CEP128: variants seen among roughly 807,000 people sequenced by gnomAD.
CEP128 encodes centrosomal protein 128, also known as centrosomal protein 128kDa.
CEP128 carries 132 observed loss-of-function variants against 156.7 expected under a neutral mutation model. The ratio of observed to expected loss-of-function variants is 0.84; its 90% CI spans 0.73 to 0.97. CEP128 has a LOEUF of 0.97. CEP128 is among the 50% of genes least tolerant of loss of function. The probability of loss-of-function intolerance (pLI) is 0.00; values close to 1 mark genes in which losing one functional copy is unlikely to be tolerated. For synonymous variants in CEP128, 469 were observed against 448.9 expected (o/e 1.04, Z -0.57); for missense variants, 1,252 against 1,281.9 (o/e 0.98, Z 0.36).
chr14:80,596,789 TCTAGTCTG>T (rs1892338694), intron 19 of CEP128, among the ~76,000 whole-genome samples: 2 of 109,424 alleles, frequency 1.8e-5, no homozygotes, highest in Admixed American at 1.5e-4. Flanking sequence ...GCCATTGCAC[TCTAGTCTG>T]AGTAACAGTG....
intron 20 of CEP128, among the ~76,000 whole-genome samples, chr14:80,576,655 C>G (rs74064281): frequency 0.061 from 2,461 of 40,328 alleles, 60 homozygotes; most frequent in African/African-American, 0.14. Context: ...GTGTGTGTGT[C>G]TGTGTCTGTG....
chr14:80,826,676 C>T (rs180747770), intron 13 of CEP128, among the ~76,000 whole-genome samples: 1 of 152,198 alleles, frequency 6.6e-6, no homozygotes, highest in East Asian at 1.9e-4. Flanking sequence ...CCATTATAGT[C>T]CCAAGTTTCT....
chr14:80,916,825 T>G (rs745720940), intron 2 of CEP128, among the ~76,000 whole-genome samples: 11 of 152,234 alleles, frequency 7.2e-5, no homozygotes, highest in Non-Finnish European at 1.0e-4. Context: ...AATAATCCCT[T>G]AGATTCATGC....
intron 19 of CEP128, among the ~76,000 whole-genome samples, chr14:80,657,921 C>T (rs956467230): frequency 6.6e-6 from 1 of 152,100 alleles, no homozygotes; most frequent in African/African-American, 2.4e-5. Context: ...CCTTTAAAAA[C>T]CTTTTTTGAA....
chr14:80,802,810 C>G lies in CEP128; in HGVS notation c.1210-9700G>C, dbSNP rs189106098. Among the ~76,000 whole-genome samples, 300 of 152,240 alleles carry G rather than the reference C, an allele frequency of 2.0e-3. 1 individual carries two copies. The highest frequency in any genetic ancestry group is 3.5e-3 in the Non-Finnish European group (235 of 67,994). ...TTGAGAAAGATTAATCACCAAAAGA[C>G]TTTATGCTAACACTAGGATATTAAA... On this transcript the variant is annotated intron_variant, in intron 13 of 24. Transcript: ENST00000555265.
intron 9 of CEP128, among the ~76,000 whole-genome samples, chr14:80,841,462 T>G (rs1282824360): frequency 6.6e-6 from 1 of 152,028 alleles, no homozygotes. Flanking sequence ...AAATAGAAAT[T>G]GAGTAAAGAG....
downstream of CEP128, among the ~76,000 whole-genome samples, chr14:80,486,097 T>C (rs889123516): frequency 2.0e-5 from 3 of 152,198 alleles, no homozygotes; most frequent in Non-Finnish European, 4.4e-5. Flanking sequence ...GCAAAGCTTC[T>C]AAATGGGACC....
intron 19 of CEP128, among the ~76,000 whole-genome samples, chr14:80,583,635 T>C (rs913811131): frequency 1.3e-5 from 2 of 152,234 alleles, no homozygotes; most frequent in African/African-American, 4.8e-5. Flanking sequence ...AAGAAACTTA[T>C]TAAGCAATGA....
intron 21 of CEP128, among the ~76,000 whole-genome samples, chr14:80,532,012 T>G (rs986221983): frequency 1.7e-4 from 26 of 152,106 alleles, no homozygotes; most frequent in Non-Finnish European, 5.9e-5. Context: ...TTCACGTGAG[T>G]CACACAATAA....
intron 2 of CEP128, among the ~76,000 whole-genome samples, chr14:80,938,638 G>A (rs993402983): frequency 1.3e-5 from 2 of 151,912 alleles, no homozygotes; most frequent in African/African-American, 2.4e-5. Context: ...TCCAAAAAAA[G>A]GTCCAGAATT....
chr14:80,505,260 A>C (rs1887920713), intron 23 of CEP128, among the ~76,000 whole-genome samples: 1 of 152,232 alleles, frequency 6.6e-6, no homozygotes, highest in Non-Finnish European at 1.5e-5. Flanking sequence ...TTTTTCCCCC[A>C]TGAATAGAAT....
chr14:80,720,826 C>T (rs1233508354), intron 19 of CEP128, among the ~76,000 whole-genome samples: 1 of 152,170 alleles, frequency 6.6e-6, no homozygotes, highest in Non-Finnish European at 1.5e-5. Flanking sequence ...AGAATATTTA[C>T]TAGCCTCTAT....
Position 80,810,570 on chromosome 14 carries a change from T to C in CEP128, c.1210-17460A>G, listed in dbSNP as rs1884473677. Among the ~76,000 whole-genome samples the C allele has an allele frequency of 2.0e-5, 3 of 152,128 alleles. No homozygotes were observed. In the South Asian group the frequency reaches 6.2e-4, roughly 32 times the overall value. Reference sequence around the variant, plus strand: ...GAGGTTTTTTTCTTTCCCATCTATGTTCATCAGGAATGTTGGCCTGTAGTT... The same window carrying C: ...GAGGTTTTTTTCTTTCCCATCTATGCTCATCAGGAATGTTGGCCTGTAGTT... On this transcript the variant is annotated intron_variant, in intron 13 of 24. Transcript: ENST00000555265.
At chr14:80,527,133 T>C (rs542028116) in intron 22 of CEP128, 151 bp from the exon 23 acceptor site, 12 of 556,610 alleles carry the variant, frequency 2.2e-5, no homozygotes, top group African/African-American at 1.9e-4. Context: ...CAGGCCACCA[T>C]AGAGAAAGAA....
At chr14:80,723,797 A>G (rs1409614020) in intron 19 of CEP128, among the ~76,000 whole-genome samples, 1 of 152,206 alleles carries the variant, frequency 6.6e-6, no homozygotes. Context: ...AGGCAATGGG[A>G]GACCATACAA....
At chr14:80,848,307 T>C (rs1356620505) in intron 9 of CEP128, among the ~76,000 whole-genome samples, 1 of 152,074 alleles carries the variant, frequency 6.6e-6, no homozygotes, top group Non-Finnish European at 1.5e-5. Flanking sequence ...ACATGGTATA[T>C]CCATGGAAAA....
intron 6 of CEP128, 92 bp from the exon 7 acceptor site, chr14:80,900,121 G>T: frequency 1.3e-6 from 1 of 750,354 alleles, no homozygotes. Context: ...CTTGTTCCTT[G>T]CAATAATAAC....
intron 12 of CEP128, among the ~76,000 whole-genome samples, chr14:80,835,024 G>A (rs1679014587): frequency 6.6e-6 from 1 of 152,154 alleles, no homozygotes. Flanking sequence ...TCTTGTAGCA[G>A]GAGTGAGTTC....
At chr14:80,670,402 A>T (rs1895790331) in intron 19 of CEP128, among the ~76,000 whole-genome samples, 2 of 152,132 alleles carry the variant, frequency 1.3e-5, no homozygotes, top group South Asian at 4.1e-4. Context: ...TTGCCTATCT[A>T]CCTACCTACC....
Sources: gnomAD v4.1 joint callset for allele counts (sites outside exome capture counted in the v4.1 genomes callset) on GRCh38, gnomAD v4.1.1 for gene constraint, MANE v1.5 for transcripts, NCBI Gene and HGNC (gene_info 2026-07-23, HGNC 2026-07-21) for gene names.